CRAMP1: variants seen among roughly 807,000 people sequenced by gnomAD.
CRAMP1 encodes protein cramped-like.
In CRAMP1, 50 loss-of-function variants were observed where a neutral mutation model predicts 115.4. That is an observed-to-expected ratio of 0.43 (90% CI 0.35 to 0.55). The LOEUF (loss-of-function observed/expected upper bound fraction) is 0.55, where lower values mean the gene tolerates loss of function less well. CRAMP1 is among the 20% of genes least tolerant of loss of function. The pLI is 0.01. For missense variants in CRAMP1, 1,679 were observed against 1,721.7 expected, an observed-to-expected ratio of 0.98 and a Z score of 0.44; for synonymous variants, 866 against 745.4, an observed-to-expected ratio of 1.16 and a Z score of -2.64.
chr16:1,618,272 G>C (rs1187411476), intron 2 of CRAMP1, among the ~76,000 whole-genome samples: 3 of 152,048 alleles, frequency 2.0e-5, no homozygotes, highest in African/African-American at 4.8e-5. Context: ...ACAAGGGTGA[G>C]ACTTAGTCTC....
At chr16:1,620,940 T>C (rs2036461005) in intron 2 of CRAMP1, among the ~76,000 whole-genome samples, 1 of 152,032 alleles carries the variant, frequency 6.6e-6, no homozygotes, top group African/African-American at 2.4e-5. Context: ...TTTTTTTACA[T>C]GACATAATGC....
chr16:1,618,360 A>T (rs985524479), intron 2 of CRAMP1, among the ~76,000 whole-genome samples: 6 of 152,312 alleles, frequency 3.9e-5, no homozygotes, highest in Non-Finnish European at 7.4e-5. Context: ...TGTTTCTGCC[A>T]TGAAAAATGC....
intron 11 of CRAMP1, 86 bp from the exon 12 acceptor site, chr16:1,662,390 AGAGAATGTCTTTCT>A: frequency 1.0e-6 from 1 of 972,492 alleles, no homozygotes; most frequent in Non-Finnish European, 1.6e-6. Context: ...CGGGTTGCCA[AGAGAATGTCTTTCT>A]GACTTTCTTC....
rs142095734 is a variant in CRAMP1 at position 1,655,846 on chromosome 16, C to G, written c.1120-31C>G. 4 of 1,584,126 alleles carry G rather than the reference C, an allele frequency of 2.5e-6. No individual in the cohort carries two copies. The African/African-American group carries it at 4.0e-5, about 16-fold the overall frequency. On this transcript the variant is annotated intron_variant, in intron 9 of 20. Transcript: ENST00000397412. ...GTCAGCATCCCGACCTCAGTGCTAG[C>G]CAGTGTGGGCCTTCCTTGACGGGCA...
At chr16:1,654,100 G>A (rs1328636902) in intron 8 of CRAMP1, among the ~76,000 whole-genome samples, 6 of 145,224 alleles carry the variant, frequency 4.1e-5, no homozygotes, top group East Asian at 4.1e-4. Flanking sequence ...CCAAGATTGC[G>A]CCCCTGCCCT....
In CRAMP1 at chr16:1,662,790, C is replaced by T; in HGVS notation, c.2625C>T (p.Pro875=). ...AGTCGGATTTCTTCCTGCCAAAGCC[C>T]CGGAAGCTGCGGAACCGGCACCTGC... ...SMQSDFFLPK[P]RKLRNRHLRK... is the part of the protein sequence containing the mutation. The change falls in exon 13 of 21, where the codon CCC becomes CCT. Residue 875 remains proline (P), a synonymous_variant. Transcript: ENST00000397412. 1.9e-6 allele frequency: 3 copies of T among 1,613,956 alleles called. No individual in the cohort carries two copies. Among genetic ancestry groups the T allele is most frequent in the Non-Finnish European group, 2.5e-6 (3 of 1,179,904 alleles).
Position 1,615,052 on chromosome 16 carries a change from C to A in CRAMP1, c.346+67C>A, listed in dbSNP as rs2036406079. The A allele has an allele frequency of 8.1e-6, 8 of 984,826 alleles. No individual in the cohort carries two copies. The East Asian group carries it at 2.0e-4, about 25-fold the overall frequency. The allele number at this position is 984,826 out of a possible 1,614,324, so 61.0% of individuals were successfully genotyped here. A position where few individuals can be genotyped will look rare whatever the true frequency, so the allele number is the denominator to read the frequency against. ...GGGGTGTGCCGCGGGGGAGAGGAAC[C>A]CCTCGCCCCAGCCGGGCTCCACCCT... On this transcript the variant is annotated intron_variant, in intron 2 of 20. Transcript: ENST00000397412.
intron 20 of CRAMP1, 77 bp from the exon 21 acceptor site, chr16:1,673,804 C>T: frequency 1.4e-6 from 2 of 1,400,482 alleles, no homozygotes; most frequent in East Asian, 2.3e-5. Context: ...AGCTTCTCGT[C>T]CTGTTTCAGG....
Position 1,612,442 on chromosome 16 carries a change from G to C in CRAMP1, c.-217G>C, listed in dbSNP as rs540419119. 1 of 151,230 alleles carries C rather than the reference G, an allele frequency of 6.6e-6. No homozygotes were observed. The highest frequency in any genetic ancestry group is 1.5e-5 in the Non-Finnish European group (1 of 67,698). 9.4% of individuals were successfully genotyped at this position (151,230 alleles called of 1,614,324 possible). Reference sequence around the variant, plus strand: ...GCTAGGGTGAGTGGCGGCAGTATCTGCGTCCGCAGCCCCCGCAGCCGCGCG... The same window carrying C: ...GCTAGGGTGAGTGGCGGCAGTATCTCCGTCCGCAGCCCCCGCAGCCGCGCG... On this transcript the variant is annotated 5_prime_UTR_variant, in exon 1 of 21. Coordinates refer to ENST00000397412, the MANE Select transcript of CRAMP1 (RefSeq NM_020825.4).
At chr16:1,665,207 C>A in intron 14 of CRAMP1, 69 bp downstream of exon 14, 2 of 947,584 alleles carry the variant, frequency 2.1e-6, no homozygotes, top group Admixed American at 1.8e-5. Context: ...GCTTTGGAGA[C>A]AATGGGTGCT....
In CRAMP1 at chr16:1,675,940, A is replaced by G. The variant is rs2036963669; in HGVS notation, c.*1895A>G. 1 of 152,258 alleles carries G rather than the reference A, an allele frequency of 6.6e-6. No homozygotes were observed. Among genetic ancestry groups the G allele is most frequent in the Non-Finnish European group, 1.5e-5 (1 of 68,056 alleles). 9.4% of individuals were successfully genotyped at this position (152,258 alleles called of 1,614,324 possible). On this transcript the variant is annotated 3_prime_UTR_variant, in exon 21 of 21. Transcript: ENST00000397412. Reference sequence around the variant, plus strand: ...TCCAAAATTAGCATCTCATTGAGCCAGAGAAGACAAGGAGATCTCCCTCTG... The same window carrying G: ...TCCAAAATTAGCATCTCATTGAGCCGGAGAAGACAAGGAGATCTCCCTCTG...
At chr16:1,645,580 G>A (rs1397291718) in intron 6 of CRAMP1, among the ~76,000 whole-genome samples, 1 of 152,172 alleles carries the variant, frequency 6.6e-6, no homozygotes, top group African/African-American at 2.4e-5. Flanking sequence ...TCAGCGTTGT[G>A]CCTTCTGTGG....
In CRAMP1 at chr16:1,612,596, G is replaced by C. The variant is rs1005132053; in HGVS notation, c.-63G>C. ...GGGCCGGGGCTGCCCGGCCCGGCTG[G>C]TTCTGCGGGCACCCGGGGAGGCCCC... On this transcript the variant is annotated 5_prime_UTR_variant, in exon 1 of 21. Transcript: ENST00000397412. Among the ~76,000 whole-genome samples, 2 of 151,880 alleles carry C rather than the reference G, an allele frequency of 1.3e-5. No homozygotes were observed. The highest frequency in any genetic ancestry group is 2.9e-5 in the Non-Finnish European group (2 of 67,904).
intron 6 of CRAMP1, among the ~76,000 whole-genome samples, chr16:1,652,066 G>C (rs2036728990): frequency 1.3e-5 from 2 of 152,156 alleles, no homozygotes; most frequent in Non-Finnish European, 2.9e-5. Context: ...CGGAGAGGTA[G>C]ACTGAGAGGT....
intron 2 of CRAMP1, chr16:1,620,666 GCTGT>G (rs1283678480): frequency 1.1e-5 from 5 of 456,824 alleles, no homozygotes; most frequent in East Asian, 6.9e-5. Flanking sequence ...CCCAGCTCTG[GCTGT>G]CTATTAGCCG....
At chr16:1,667,903 C>T in intron 17 of CRAMP1, 59 bp from the exon 18 acceptor site, 1 of 1,119,158 alleles carries the variant, frequency 8.9e-7, no homozygotes, top group Non-Finnish European at 1.3e-6. Flanking sequence ...GGTGTTTCTT[C>T]CCTTGTCATG....
chr16:1,650,727 G>C (rs1366603259), intron 6 of CRAMP1, among the ~76,000 whole-genome samples: 3 of 152,216 alleles, frequency 2.0e-5, no homozygotes, highest in Non-Finnish European at 2.9e-5. Context: ...CTTAGAAATT[G>C]AATAGCAACA....
At position 1,614,148 on chromosome 16, in the gene CRAMP1, C is replaced by T. The variant is rs1259251987; in HGVS notation, c.-1-491C>T. 1.5e-3 allele frequency among the ~76,000 whole-genome samples: 225 copies of T among 146,072 alleles called. No individual in the cohort carries two copies. Among genetic ancestry groups the T allele is most frequent in the Non-Finnish European group, 2.5e-3 (167 of 65,896 alleles). On this transcript the variant is annotated intron_variant, in intron 1 of 20. Coordinates refer to ENST00000397412, the MANE Select transcript of CRAMP1 (RefSeq NM_020825.4). The surrounding 1 kb of genome is among the most constrained non-coding windows in gnomAD (Gnocchi z 4.4). ...GAGGGGGTGGGACGAGGGGCTAGGG[C>T]TGGGGCTGCGGCCCGGCCGGCCGAG...
chr16:1,643,306 G>A (rs2036647848), intron 6 of CRAMP1, among the ~76,000 whole-genome samples: 1 of 152,164 alleles, frequency 6.6e-6, no homozygotes, highest in Non-Finnish European at 1.5e-5. Context: ...ACTTTGGGAG[G>A]CCAAGGAGGG....
Sources: allele counts gnomAD v4.1 joint callset (sites outside exome capture counted in the v4.1 genomes callset), GRCh38; gene constraint gnomAD v4.1.1; non-coding constraint Gnocchi (gnomAD v3.1); transcripts MANE v1.5; gene names NCBI Gene and HGNC (gene_info 2026-07-23, HGNC 2026-07-21).